INTS9: variants seen among roughly 807,000 people sequenced by gnomAD.
INTS9 encodes the protein protein related to CPSF subunits of 74 kDa.
Under a neutral mutation model 79.7 loss-of-function variants are expected in INTS9, and 55 were observed. The observed-to-expected ratio is 0.69, with a 90% CI of 0.56 to 0.86. INTS9 has a LOEUF of 0.86. Among genes scored for constraint, INTS9 ranks in the 40% least tolerant of loss-of-function variants. INTS9 has a pLI of 0.00. For synonymous variants in INTS9, 319 were observed against 325.2 expected (o/e 0.98, Z 0.20); for missense variants, 721 against 831.5 (o/e 0.87, Z 1.64).
intron 10 of INTS9, among the ~76,000 whole-genome samples, chr8:28,789,722 T>C (rs1803817277): frequency 6.6e-6 from 1 of 152,096 alleles, no homozygotes; most frequent in African/African-American, 2.4e-5. Context: ...ACCTTGTCTG[T>C]ACAAAAATTA....
chr8:28,795,750 CATGCTGGCACGCTA>C (rs1386294189), intron 9 of INTS9, among the ~76,000 whole-genome samples: 1 of 151,840 alleles, frequency 6.6e-6, no homozygotes, highest in Non-Finnish European at 1.5e-5. Context: ...AAGAAACGAC[CATGCTGGCACGCTA>C]ATCTCAGACT....
chr8:28,786,767 G>A (rs1289302429), intron 11 of INTS9, among the ~76,000 whole-genome samples: 1 of 152,116 alleles, frequency 6.6e-6, no homozygotes, highest in Non-Finnish European at 1.5e-5. Flanking sequence ...ACCCAGGCTA[G>A]AGTGCAGTGG....
intron 1 of INTS9, among the ~76,000 whole-genome samples, chr8:28,867,526 G>C (rs561777817): frequency 7.0e-6 from 1 of 141,912 alleles, no homozygotes; most frequent in Admixed American, 7.2e-5. Flanking sequence ...GCAGTGAGCT[G>C]AGATTAAAAA....
At chr8:28,806,136 G>A (rs1347229394) in intron 8 of INTS9, among the ~76,000 whole-genome samples, 1 of 152,170 alleles carries the variant, frequency 6.6e-6, no homozygotes, top group African/African-American at 2.4e-5. Context: ...AGGCTGAGGT[G>A]GGAGGACTGC....
chr8:28,883,575 T>G (rs1325263408), intron 1 of INTS9, among the ~76,000 whole-genome samples: 1 of 152,204 alleles, frequency 6.6e-6, no homozygotes, highest in African/African-American at 2.4e-5. Flanking sequence ...AGAAAGCATA[T>G]TACTGGATAC....
At chr8:28,888,936 G>A (rs1810373763) in intron 1 of INTS9, among the ~76,000 whole-genome samples, 1 of 151,232 alleles carries the variant, frequency 6.6e-6, no homozygotes, top group African/African-American at 2.4e-5. Flanking sequence ...ACAGAGTCTC[G>A]CGCTGTTGCA....
chr8:28,856,563 C>T (rs1210718431), intron 2 of INTS9, among the ~76,000 whole-genome samples: 1 of 152,124 alleles, frequency 6.6e-6, no homozygotes, highest in Non-Finnish European at 1.5e-5. Flanking sequence ...GCTAGGACTA[C>T]AGGCACACAC....
At chr8:28,788,008 G>T in intron 10 of INTS9, 119 bp from the exon 11 acceptor site, 1 of 532,536 alleles carries the variant, frequency 1.9e-6, no homozygotes, top group Non-Finnish European at 3.3e-6. Flanking sequence ...TTTCCCGCCA[G>T]TGAATTTCAC....
At chr8:28,866,566 T>A (rs1447477101) in intron 1 of INTS9, among the ~76,000 whole-genome samples, 2 of 152,208 alleles carry the variant, frequency 1.3e-5, no homozygotes, top group Non-Finnish European at 2.9e-5. Flanking sequence ...ACTAGTACTG[T>A]ATACAGTCCT....
intron 1 of INTS9, among the ~76,000 whole-genome samples, chr8:28,870,581 T>C (rs778204494): frequency 7.9e-5 from 12 of 152,190 alleles, no homozygotes; most frequent in Admixed American, 3.3e-4. Context: ...GCTAAGAATT[T>C]ATTCTAGCAT....
chr8:28,855,215 G>A (rs1808077366), intron 2 of INTS9, among the ~76,000 whole-genome samples: 1 of 152,220 alleles, frequency 6.6e-6, no homozygotes, highest in African/African-American at 2.4e-5. Context: ...CTCTGAAGGA[G>A]TCAGAAGATT....
At chr8:28,783,444 G>A (rs535082196) in intron 11 of INTS9, 51 of 152,440 alleles carry the variant, frequency 3.3e-4, no homozygotes, top group African/African-American at 1.2e-3. Context: ...TGCTCTGGAA[G>A]GCTGTTTCAT....
At chr8:28,837,601 G>A in intron 5 of INTS9, 36 bp downstream of exon 5, 1 of 1,602,586 alleles carries the variant, frequency 6.2e-7, no homozygotes, top group Non-Finnish European at 8.5e-7. Flanking sequence ...GAGCTCCGCA[G>A]TCACATCCTA....
In INTS9 at chr8:28,768,339, G is replaced by T; in HGVS notation, c.1801-17C>A. The T allele has an allele frequency of 6.2e-7, 1 of 1,611,048 alleles. No individual in the cohort carries two copies. The highest frequency in any genetic ancestry group is 1.1e-5 in the South Asian group (1 of 91,076). On this transcript the variant is annotated splice_polypyrimidine_tract_variant and intron_variant, in intron 16 of 16. Transcript: ENST00000521022. ...GAAGCCATGCTGCTCCAGAAGAAAA[G>T]AAAGAGGTGGGCTGGGCAGACTGCA...
At chr8:28,827,339 A>C (rs1020227414) in intron 6 of INTS9, among the ~76,000 whole-genome samples, 2 of 152,186 alleles carry the variant, frequency 1.3e-5, no homozygotes, top group African/African-American at 4.8e-5. Context: ...CTGCCAGCAA[A>C]AGCAGCACAC....
intron 6 of INTS9, among the ~76,000 whole-genome samples, chr8:28,817,909 T>A (rs1170085208): frequency 2.6e-5 from 4 of 151,272 alleles, no homozygotes; most frequent in Non-Finnish European, 5.9e-5. Context: ...TTTATTCTCT[T>A]TGAAGCAATT....
At chr8:28,852,067 AAAC>A (rs1351772006) in intron 2 of INTS9, among the ~76,000 whole-genome samples, 4 of 151,796 alleles carry the variant, frequency 2.6e-5, no homozygotes, top group African/African-American at 9.7e-5. Flanking sequence ...ATAAATTAAA[AAAC>A]TAGCAGGCTA....
chr8:28,818,161 TG>T (rs1477159110), intron 6 of INTS9, among the ~76,000 whole-genome samples: 1 of 137,744 alleles, frequency 7.3e-6, no homozygotes, highest in Non-Finnish European at 1.6e-5. Context: ...CCTGCCTAAT[TG>T]CCCTGGCCAG....
intron 8 of INTS9, among the ~76,000 whole-genome samples, chr8:28,804,961 G>A (rs1804725739): frequency 2.0e-5 from 3 of 152,004 alleles, no homozygotes; most frequent in Admixed American, 2.0e-4. Context: ...AAGTAGGTGG[G>A]AAATACACAA....
Sources: gnomAD v4.1 joint callset for allele counts (sites outside exome capture counted in the v4.1 genomes callset) on GRCh38, gnomAD v4.1.1 for gene constraint, MANE v1.5 for transcripts, NCBI Gene and HGNC (gene_info 2026-07-23, HGNC 2026-07-21) for gene names.